Variants in NRG2 observed in about 807,000 individuals in gnomAD.
The protein encoded by NRG2 is pro-neuregulin-2, membrane-bound isoform.
NRG2 carries 27 observed loss-of-function variants against 73.9 expected under a neutral mutation model. The ratio of observed to expected loss-of-function variants is 0.37; its 90% CI spans 0.27 to 0.50. The LOEUF (loss-of-function observed/expected upper bound fraction) is 0.50. Ranked by LOEUF, NRG2 falls within the 20% of genes least tolerant of loss-of-function variation. The pLI is 0.96. For synonymous variants in NRG2, 532 were observed against 541.0 expected, an observed-to-expected ratio of 0.98 and a Z score of 0.23; for missense variants, 1,126 against 1,210.1, an observed-to-expected ratio of 0.93 and a Z score of 1.03.
At chr5:139,927,619 G>C (rs1352093812) in intron 1 of NRG2, among the ~76,000 whole-genome samples, 2 of 151,864 alleles carry the variant, frequency 1.3e-5, no homozygotes, top group Non-Finnish European at 2.9e-5. Flanking sequence ...CAAAAATTAG[G>C]TGGGCATGGT....
At chr5:139,938,070 C>T (rs76655244) in intron 1 of NRG2, among the ~76,000 whole-genome samples, 1,957 of 152,210 alleles carry the variant, frequency 0.013, 32 homozygotes, top group African/African-American at 0.044. Flanking sequence ...CAGAGTGACA[C>T]CTTGTCTACG....
chr5:139,860,024 C>T, intron 5 of NRG2: 1 of 1,070,374 alleles, frequency 9.3e-7, no homozygotes, highest in Non-Finnish European at 1.4e-6. Flanking sequence ...ACTCCTCAGA[C>T]ACCGGGCAGC....
At chr5:139,946,948 A>T (rs1359215084) in intron 1 of NRG2, among the ~76,000 whole-genome samples, 1 of 152,096 alleles carries the variant, frequency 6.6e-6, no homozygotes, top group Non-Finnish European at 1.5e-5. Flanking sequence ...CGTTAGGGAA[A>T]CACAAGTCAA....
intron 1 of NRG2, among the ~76,000 whole-genome samples, chr5:140,041,934 C>A (rs1262294606): frequency 6.6e-6 from 1 of 152,124 alleles, no homozygotes; most frequent in Non-Finnish European, 1.5e-5. Flanking sequence ...GTCTGCCCAG[C>A]TGCTCCCGCA....
intron 1 of NRG2, among the ~76,000 whole-genome samples, chr5:139,976,438 A>C (rs963785314): frequency 2.0e-5 from 3 of 152,244 alleles, no homozygotes; most frequent in African/African-American, 7.2e-5. Context: ...CACATGATTC[A>C]ATCCTATATA....
chr5:139,986,700 A>G (rs1247416422), intron 1 of NRG2, among the ~76,000 whole-genome samples: 1 of 152,172 alleles, frequency 6.6e-6, no homozygotes, highest in Non-Finnish European at 1.5e-5. Context: ...GGGTTGTCCA[A>G]TATGGTAGCC....
At chr5:140,039,878 C>G (rs1456860702) in intron 1 of NRG2, among the ~76,000 whole-genome samples, 2 of 152,184 alleles carry the variant, frequency 1.3e-5, no homozygotes. Flanking sequence ...CAAATCTGCT[C>G]CAAGGAGAAA....
intron 1 of NRG2, among the ~76,000 whole-genome samples, chr5:139,985,698 C>G (rs1429836964): frequency 6.6e-6 from 1 of 152,184 alleles, no homozygotes; most frequent in African/African-American, 2.4e-5. Flanking sequence ...CCAGGCTTCC[C>G]AATCTCAGGG....
In NRG2 at chr5:140,025,988, G is replaced by A. The variant is rs1359781876; in HGVS notation, c.700+16382C>T. On this transcript the variant is annotated intron_variant, in intron 1 of 9. Transcript: ENST00000361474. ...AACACAGGAGGCCATGATTCATTCC[G>A]ACTGAGGGGATCAGAAAAAGCTTTG... 5.9e-5 allele frequency among the ~76,000 whole-genome samples: 9 copies of A among 152,236 alleles called. No homozygotes were observed. In the East Asian group the frequency reaches 1.7e-3, roughly 29 times the overall value.
intron 3 of NRG2, among the ~76,000 whole-genome samples, chr5:139,875,272 A>G (rs1763103031): frequency 6.6e-6 from 1 of 152,198 alleles, no homozygotes; most frequent in Admixed American, 6.5e-5. Flanking sequence ...CAGCCTCACA[A>G]AATGCTAGGA....
intron 1 of NRG2, among the ~76,000 whole-genome samples, chr5:139,982,048 G>T (rs1162338210): frequency 6.6e-6 from 1 of 152,180 alleles, no homozygotes; most frequent in African/African-American, 2.4e-5. Flanking sequence ...GACCTTACAT[G>T]GTTCAGGGGT....
intron 1 of NRG2, among the ~76,000 whole-genome samples, chr5:139,992,936 T>C (rs6891114): frequency 0.1 from 15,679 of 152,116 alleles, 1,328 homozygotes; most frequent in East Asian, 0.5. Context: ...TAATTTTTAG[T>C]ATGTCTTTTG....
In NRG2 at chr5:139,930,194, A is replaced by G. The variant is rs535973353; in HGVS notation, c.701-42683T>C. 8.9e-4 allele frequency among the ~76,000 whole-genome samples: 136 copies of G among 152,314 alleles called. 2 individuals carry two copies. The highest frequency in any genetic ancestry group is 2.1e-4 in the South Asian group (1 of 4,824). On this transcript the variant is annotated intron_variant, in intron 1 of 9. Transcript: ENST00000361474. ...TCAGACCCAAGTAAACAACCAGCCT[A>G]ATGCAGAACTTGTCTCTTTCAACAA...
At chr5:140,022,829 T>A (rs1179231346) in intron 1 of NRG2, among the ~76,000 whole-genome samples, 1 of 152,246 alleles carries the variant, frequency 6.6e-6, no homozygotes, top group Non-Finnish European at 1.5e-5. Context: ...GACAAATGCA[T>A]CATTTTCCTT....
In NRG2 at chr5:139,852,782, C is replaced by T; in HGVS notation, c.1416+122G>A. 6.6e-7 allele frequency: 1 copy of T among 1,522,922 alleles called. No homozygotes were observed. Among genetic ancestry groups the T allele is most frequent in the South Asian group, 1.2e-5 (1 of 83,680 alleles). 94.3% of individuals were successfully genotyped at this position (1,522,922 alleles called of 1,614,324 possible). On this transcript the variant is annotated intron_variant, in intron 7 of 9. Coordinates refer to ENST00000361474, the MANE Select transcript of NRG2 (RefSeq NM_004883.3). The surrounding 1 kb of genome is among the most constrained non-coding windows in gnomAD (Gnocchi z 4.4). The stretch of plus-strand genomic sequence containing the variant: ...GGCCAGCCATCCTGGTGAGGCAGTG[C>T]CTAGCAGGCAAGGCTGGCCATGGGA...
intron 1 of NRG2, among the ~76,000 whole-genome samples, chr5:139,924,488 C>A (rs1262022121): frequency 6.6e-6 from 1 of 152,206 alleles, no homozygotes; most frequent in Non-Finnish European, 1.5e-5. Context: ...AACTTCCCTG[C>A]TGGATTCCCT....
chr5:139,987,773 T>G (rs1404597334), intron 1 of NRG2, among the ~76,000 whole-genome samples: 2 of 110,916 alleles, frequency 1.8e-5, no homozygotes, highest in Non-Finnish European at 3.6e-5. Context: ...CTGCAGGTTG[T>G]TTTTTTTTTT....
intron 1 of NRG2, among the ~76,000 whole-genome samples, chr5:139,912,289 A>AG (rs11420440): frequency 1 from 152,258 of 152,258 alleles, 76,129 homozygotes; most frequent in Non-Finnish European, 1. Flanking sequence ...TGCCCAATAT[A>AG]GCATTTATGA....
intron 1 of NRG2, among the ~76,000 whole-genome samples, chr5:140,019,868 T>C (rs1447013409): frequency 6.6e-6 from 1 of 152,148 alleles, no homozygotes; most frequent in East Asian, 1.9e-4. Context: ...TTCTCCTGCC[T>C]CATCTCCCAA....
Sources: allele counts gnomAD v4.1 joint callset (sites outside exome capture counted in the v4.1 genomes callset), GRCh38; gene constraint gnomAD v4.1.1; non-coding constraint Gnocchi (gnomAD v3.1); transcripts MANE v1.5; gene names NCBI Gene and HGNC (gene_info 2026-07-23, HGNC 2026-07-21).